The following PACRG variants were observed in gnomAD, a reference collection of about 807,000 sequenced individuals.
PACRG encodes the protein parkin coregulated, also known as parkin coregulated gene protein.
PACRG carries 29 observed loss-of-function variants against 29.7 expected under a neutral mutation model. The ratio of observed to expected loss-of-function variants is 0.98; its 90% CI spans 0.73 to 1.33. The LOEUF (loss-of-function observed/expected upper bound fraction) is 1.33. Among genes scored for constraint, PACRG ranks in the 40% most tolerant of loss-of-function variants. The pLI is 0.00. For synonymous variants in PACRG, 116 were observed against 118.7 expected (o/e 0.98, Z 0.15); for missense variants, 279 against 316.2 (o/e 0.88, Z 0.89).
chr6:163,005,063 C>T (rs1804940570), intron 2 of PACRG, among the ~76,000 whole-genome samples: 1 of 151,760 alleles, frequency 6.6e-6, no homozygotes, highest in Admixed American at 6.6e-5. Context: ...GAAATTTGTC[C>T]ATGTCATGTA....
chr6:162,927,070 C>T (rs1797498084), intron 2 of PACRG, among the ~76,000 whole-genome samples: 2 of 152,090 alleles, frequency 1.3e-5, no homozygotes, highest in Admixed American at 1.3e-4. Context: ...CATCACTGAT[C>T]ATTAGAGAAA....
chr6:162,984,730 TGG>T (rs1802729786), intron 2 of PACRG, among the ~76,000 whole-genome samples: 1 of 152,064 alleles, frequency 6.6e-6, no homozygotes, highest in Admixed American at 6.6e-5. Context: ...TATTGTATTG[TGG>T]TTTTGATTTG....
intron 1 of PACRG, among the ~76,000 whole-genome samples, chr6:162,759,499 A>T (rs560476130): frequency 6.6e-6 from 1 of 152,372 alleles, no homozygotes; most frequent in South Asian, 2.1e-4. Flanking sequence ...ATGTTGAAAG[A>T]ATAGTGGGTA....
At chr6:163,096,945 T>G (rs566344190) in intron 4 of PACRG, among the ~76,000 whole-genome samples, 77 of 152,358 alleles carry the variant, frequency 5.1e-4, no homozygotes, top group African/African-American at 1.8e-3. Flanking sequence ...CAAAGTTCAT[T>G]TTCTAGATGC....
At chr6:163,084,220 AGCTTTCAG>A (rs1250658474) in intron 3 of PACRG, among the ~76,000 whole-genome samples, 2 of 152,324 alleles carry the variant, frequency 1.3e-5, no homozygotes, top group Non-Finnish European at 2.9e-5. Flanking sequence ...TCTTGACAAT[AGCTTTCAG>A]GCCCATCAAC....
intron 2 of PACRG, among the ~76,000 whole-genome samples, chr6:162,937,532 G>C (rs550064943): frequency 1.3e-5 from 2 of 152,246 alleles, no homozygotes; most frequent in East Asian, 3.9e-4. Context: ...TCTATGTCTC[G>C]GGTGTTACTT....
At chr6:163,082,866 A>T (rs1161974667) in intron 3 of PACRG, among the ~76,000 whole-genome samples, 1 of 152,212 alleles carries the variant, frequency 6.6e-6, no homozygotes, top group Non-Finnish European at 1.5e-5. Context: ...TATCAATAAT[A>T]CTGGGCTTAG....
chr6:163,249,540 G>A (rs561880606), intron 4 of PACRG, among the ~76,000 whole-genome samples: 2 of 152,210 alleles, frequency 1.3e-5, no homozygotes, highest in African/African-American at 4.8e-5. Context: ...GGGGGATCCT[G>A]ATGGGCCGGA....
In PACRG at chr6:162,947,409, A is replaced by G. The variant is rs1478483353; in HGVS notation, c.292-114741A>G. On this transcript the variant is annotated intron_variant, in intron 2 of 4. Transcript: ENST00000366888. ...ATAATCATATATAATATATAATCAT[A>G]TATAATCATACATAAAATCATATAT... Among the ~76,000 whole-genome samples the G allele has an allele frequency of 1.0e-4, 6 of 59,484 alleles. 1 individual carries two copies. Among genetic ancestry groups the G allele is most frequent in the African/African-American group, 2.3e-4 (5 of 21,484 alleles). 39.0% of individuals were successfully genotyped at this position (59,484 alleles called of 152,430 possible). A position where few individuals can be genotyped will look rare whatever the true frequency, so the allele number is the denominator to read the frequency against.
At chr6:162,844,196 C>A (rs1227753393) in intron 2 of PACRG, among the ~76,000 whole-genome samples, 1 of 150,860 alleles carries the variant, frequency 6.6e-6, no homozygotes, top group Non-Finnish European at 1.5e-5. Flanking sequence ...CCTCCCCCAG[C>A]CTCGCTGCCG....
At chr6:163,053,697 C>A (rs1215848828) in intron 2 of PACRG, among the ~76,000 whole-genome samples, 1 of 152,074 alleles carries the variant, frequency 6.6e-6, no homozygotes, top group Non-Finnish European at 1.5e-5. Flanking sequence ...TTACAGAATA[C>A]ATAAAGTTGT....
rs578155079 is a variant in PACRG at position 163,258,975 on chromosome 6, G to A, written c.614-55852G>A. ...GTGGTTCCAAATAGTTCTTGTCCCCGAGGAACTAACAACACAAAGTTGTAG... is the reference window on the plus strand; with the variant it reads ...GTGGTTCCAAATAGTTCTTGTCCCCAAGGAACTAACAACACAAAGTTGTAG... On this transcript the variant is annotated intron_variant, in intron 4 of 4. Coordinates refer to ENST00000366888, the MANE Select transcript of PACRG (RefSeq NM_001080379.2). Among the ~76,000 whole-genome samples, 4 of 152,202 alleles carry A rather than the reference G, an allele frequency of 2.6e-5. No homozygotes were observed. In the South Asian group the frequency reaches 6.2e-4, roughly 24 times the overall value.
In PACRG at chr6:163,126,480, A is replaced by G. The variant is rs543591474; in HGVS notation, c.613+37072A>G. Among the ~76,000 whole-genome samples, 7 of 152,316 alleles carry G rather than the reference A, an allele frequency of 4.6e-5. 1 individual carries two copies. In the East Asian group the frequency reaches 1.4e-3, roughly 29 times the overall value. ...ACCAAGATTGTCTTTGGTATTTATG[A>G]GGGCATTTACAAAAGGAACAGAGCA... On this transcript the variant is annotated intron_variant, in intron 4 of 4. Coordinates refer to ENST00000366888, the MANE Select transcript of PACRG (RefSeq NM_001080379.2).
chr6:163,193,651 TA>T (rs1780317699), intron 4 of PACRG, among the ~76,000 whole-genome samples: 1 of 152,060 alleles, frequency 6.6e-6, no homozygotes, highest in African/African-American at 2.4e-5. Context: ...TTTTATTAAA[TA>T]AAAAATATTT....
At chr6:163,225,407 C>T (rs1781749270) in intron 4 of PACRG, among the ~76,000 whole-genome samples, 1 of 152,224 alleles carries the variant, frequency 6.6e-6, no homozygotes, top group Admixed American at 6.5e-5. Flanking sequence ...CTCCCTCTCT[C>T]TCACCTGCCA....
At chr6:163,127,694 G>A (rs986040978) in intron 4 of PACRG, among the ~76,000 whole-genome samples, 1 of 152,176 alleles carries the variant, frequency 6.6e-6, no homozygotes, top group African/African-American at 2.4e-5. Context: ...CATATATGAA[G>A]AAGTCTTTAT....
At chr6:162,754,865 T>G (rs1185351886) in intron 1 of PACRG, among the ~76,000 whole-genome samples, 1 of 152,118 alleles carries the variant, frequency 6.6e-6, no homozygotes, top group Non-Finnish European at 1.5e-5. Context: ...TTGGTGTTAG[T>G]TCTTTAATTG....
chr6:163,201,338 AGT>A (rs1490919682), intron 4 of PACRG, among the ~76,000 whole-genome samples: 3,429 of 152,310 alleles, frequency 0.023, 118 homozygotes, highest in African/African-American at 0.079. Flanking sequence ...TCAGTTCACA[AGT>A]GGATTTTTCG....
At chr6:163,229,072 T>A (rs1235564498) in intron 4 of PACRG, among the ~76,000 whole-genome samples, 1 of 152,172 alleles carries the variant, frequency 6.6e-6, no homozygotes, top group Non-Finnish European at 1.5e-5. Flanking sequence ...TTTAAAAGTA[T>A]TTGCAGGCCA....
Sources: gnomAD v4.1 joint callset for allele counts (sites outside exome capture counted in the v4.1 genomes callset) on GRCh38, gnomAD v4.1.1 for gene constraint, MANE v1.5 for transcripts, NCBI Gene and HGNC (gene_info 2026-07-23, HGNC 2026-07-21) for gene names.